Variants in CTNNA3 observed in about 807,000 individuals in gnomAD.
CTNNA3 encodes catenin alpha-3.
Under a neutral mutation model 95.7 loss-of-function variants are expected in CTNNA3, and 76 were observed. That is an observed-to-expected ratio of 0.79 (90% CI 0.66 to 0.96). The LOEUF is 0.96. Among genes scored for constraint, CTNNA3 ranks in the 40% least tolerant of loss-of-function variants. CTNNA3 has a pLI of 0.00. For synonymous variants in CTNNA3, 431 were observed against 374.4 expected, an observed-to-expected ratio of 1.15 and a Z score of -1.74; for missense variants, 1,191 against 1,089.8, an observed-to-expected ratio of 1.09 and a Z score of -1.31.
At chr10:67,498,632 C>T (rs1839116496) in intron 5 of CTNNA3, among the ~76,000 whole-genome samples, 1 of 152,118 alleles carries the variant, frequency 6.6e-6, no homozygotes, top group East Asian at 1.9e-4. Context: ...TGTAGCTCTC[C>T]TTGAAGAGGT....
chr10:67,256,576 A>G (rs1866361652), intron 5 of CTNNA3, among the ~76,000 whole-genome samples: 1 of 152,156 alleles, frequency 6.6e-6, no homozygotes, highest in African/African-American at 2.4e-5. Flanking sequence ...CTTTTTCCCT[A>G]AAGTCTCTTT....
chr10:66,348,392 C>T (rs1385693232), intron 12 of CTNNA3, among the ~76,000 whole-genome samples: 2 of 152,162 alleles, frequency 1.3e-5, no homozygotes, highest in Non-Finnish European at 1.5e-5. Flanking sequence ...TCCATTTCCT[C>T]ATCTGTACAA....
chr10:67,047,617 G>A (rs1232842442), intron 7 of CTNNA3, among the ~76,000 whole-genome samples: 1 of 151,968 alleles, frequency 6.6e-6, no homozygotes, highest in Non-Finnish European at 1.5e-5. Flanking sequence ...GCAATAAATG[G>A]TGTCAAAGAT....
chr10:66,583,790 T>G (rs1307928089), intron 10 of CTNNA3, among the ~76,000 whole-genome samples: 4 of 151,880 alleles, frequency 2.6e-5, no homozygotes, highest in Non-Finnish European at 5.9e-5. Context: ...TTTGTGATCT[T>G]TCAGAATTAT....
At chr10:66,924,830 CA>C (rs1278654792) in intron 7 of CTNNA3, among the ~76,000 whole-genome samples, 1 of 152,114 alleles carries the variant, frequency 6.6e-6, no homozygotes, top group Admixed American at 6.5e-5. Flanking sequence ...GCCCGTTTTG[CA>C]GATGAGAAAA....
chr10:66,023,744 G>A (rs1465782185), intron 15 of CTNNA3, among the ~76,000 whole-genome samples: 1 of 152,104 alleles, frequency 6.6e-6, no homozygotes, highest in Non-Finnish European at 1.5e-5. Flanking sequence ...ATGAGAAGAT[G>A]GTCTACAGAA....
chr10:67,379,010 T>C (rs1026483756), intron 5 of CTNNA3, among the ~76,000 whole-genome samples: 9 of 152,232 alleles, frequency 5.9e-5, no homozygotes, highest in African/African-American at 2.2e-4. Flanking sequence ...AATGCAGAGC[T>C]TCTTCACTGT....
At chr10:67,654,975 C>T (rs1273363270) in intron 1 of CTNNA3, among the ~76,000 whole-genome samples, 1 of 152,068 alleles carries the variant, frequency 6.6e-6, no homozygotes, top group Non-Finnish European at 1.5e-5. Context: ...AAATAAAAAA[C>T]ATTCATGATT....
intron 9 of CTNNA3, among the ~76,000 whole-genome samples, chr10:66,669,353 G>A (rs148680818): frequency 0.012 from 1,900 of 152,038 alleles, 47 homozygotes; most frequent in African/African-American, 0.043. Flanking sequence ...AGACCATCCT[G>A]GCCAACATGG....
At chr10:67,088,307 A>T (rs2131899760) in intron 7 of CTNNA3, among the ~76,000 whole-genome samples, 1 of 151,900 alleles carries the variant, frequency 6.6e-6, no homozygotes, top group East Asian at 2.0e-4. Flanking sequence ...GAATAAATTA[A>T]CGAATGAATA....
chr10:67,220,763 CA>C, intron 5 of CTNNA3, among the ~76,000 whole-genome samples: 1 of 151,990 alleles, frequency 6.6e-6, no homozygotes, highest in African/African-American at 2.4e-5. Context: ...GCTCAATATA[CA>C]AGAAAAAAAT....
intron 1 of CTNNA3, among the ~76,000 whole-genome samples, chr10:67,723,559 A>C (rs1841192004): frequency 6.6e-6 from 1 of 152,110 alleles, no homozygotes; most frequent in South Asian, 2.1e-4. Flanking sequence ...CTCCCAAAGC[A>C]CTGGGATTAC....
At chr10:67,164,541 A>G (rs1318897915) in intron 7 of CTNNA3, among the ~76,000 whole-genome samples, 1 of 152,130 alleles carries the variant, frequency 6.6e-6, no homozygotes, top group African/African-American at 2.4e-5. Context: ...TCGTTGAACC[A>G]TTCTTAGACA....
At chr10:67,168,480 T>C (rs1461180898) in intron 7 of CTNNA3, among the ~76,000 whole-genome samples, 1 of 152,142 alleles carries the variant, frequency 6.6e-6, no homozygotes, top group Non-Finnish European at 1.5e-5. Context: ...TGGTTCAACA[T>C]ACACAAAGCA....
At chr10:67,547,478 C>T (rs897866413) in intron 3 of CTNNA3, among the ~76,000 whole-genome samples, 1 of 152,186 alleles carries the variant, frequency 6.6e-6, no homozygotes, top group African/African-American at 2.4e-5. Context: ...CAGCTGTGAT[C>T]AGAGCAATAA....
At chr10:67,639,864 AT>A (rs1245859988) in intron 2 of CTNNA3, among the ~76,000 whole-genome samples, 1 of 152,188 alleles carries the variant, frequency 6.6e-6, no homozygotes, top group Non-Finnish European at 1.5e-5. Context: ...TCTCAACATA[AT>A]AAGAGCTATT....
Position 66,756,894 on chromosome 10 carries a change from C to T in CTNNA3, c.1281+9370G>A, listed in dbSNP as rs78659931. On this transcript the variant is annotated intron_variant, in intron 9 of 17. Transcript: ENST00000433211. ...GTCTTTTCAAAACTTGACCCTAGAG[C>T]AGAAATTGCAAAACTAGTGATTCTT... is the stretch of plus-strand genomic sequence containing the variant. Among the ~76,000 whole-genome samples the T allele has an allele frequency of 2.5e-3, 383 of 152,202 alleles. 12 individuals carry two copies. The East Asian group carries it at 0.055, about 22-fold the overall frequency.
At chr10:66,845,324 A>G (rs913814854) in intron 7 of CTNNA3, among the ~76,000 whole-genome samples, 1 of 152,146 alleles carries the variant, frequency 6.6e-6, no homozygotes, top group Non-Finnish European at 1.5e-5. Context: ...ATCACCTCAC[A>G]CCTGTTAGAA....
intron 5 of CTNNA3, among the ~76,000 whole-genome samples, chr10:67,231,193 T>G (rs1420226176): frequency 6.6e-6 from 1 of 152,244 alleles, no homozygotes; most frequent in African/African-American, 2.4e-5. Flanking sequence ...GAGGCCTGCC[T>G]GCCTCTGTAG....
Sources: allele counts gnomAD v4.1 joint callset (sites outside exome capture counted in the v4.1 genomes callset), GRCh38; gene constraint gnomAD v4.1.1; transcripts MANE v1.5; gene names NCBI Gene and HGNC (gene_info 2026-07-23, HGNC 2026-07-21).